Variants in POLE observed in about 807,000 individuals in gnomAD.
POLE encodes the protein DNA polymerase epsilon catalytic subunit A.
In POLE, 188 loss-of-function variants were observed where a neutral mutation model predicts 279.2. The ratio of observed to expected loss-of-function variants is 0.67; its 90% confidence interval spans 0.60 to 0.76. The LOEUF (loss-of-function observed/expected upper bound fraction) is 0.76. Ranked by LOEUF, POLE falls within the 30% of genes least tolerant of loss-of-function variation. The probability of loss-of-function intolerance (pLI) is 0.00; values close to 1 mark genes in which losing one functional copy is unlikely to be tolerated. For synonymous variants in POLE, 1,214 were observed against 1,172.5 expected (o/e 1.04, Z -0.72); for missense variants, 2,703 against 3,016.7 (o/e 0.90, Z 2.44).
At chr12:132,651,035 C>A (rs1565947936) in intron 29 of POLE, 2 of 152,088 alleles carry the variant, frequency 1.3e-5, no homozygotes, top group Non-Finnish European at 2.9e-5. Context: ...CCAAGCCCGG[C>A]TAATTTTTTG....
Position 132,649,920 on chromosome 12 carries a change from A to G in POLE, c.3583-31T>C, listed in dbSNP as rs5744899. The stretch of plus-strand genomic sequence containing the variant: ...AAGACCCAGTGAAGCCTTAAATCTC[A>G]GGATCTCGGGCTGCGCAGGGTGGCT... On this transcript the variant is annotated intron_variant, in intron 29 of 48. Coordinates refer to ENST00000320574, the MANE Select transcript of POLE (RefSeq NM_006231.4). 3.2e-3 allele frequency: 5,061 copies of G among 1,563,036 alleles called. 6 individuals are homozygous for G. Among genetic ancestry groups the G allele is most frequent in the Non-Finnish European group, 4.1e-3 (4,643 of 1,136,600 alleles).
chr12:132,646,725 G>C (rs1184233972), intron 32 of POLE, among the ~76,000 whole-genome samples: 1 of 152,014 alleles, frequency 6.6e-6, no homozygotes, highest in Admixed American at 6.6e-5. Flanking sequence ...CCAGCTACTT[G>C]GGAGGCTGAG....
At chr12:132,635,680 G>A (rs140957720) in intron 42 of POLE, among the ~76,000 whole-genome samples, 2 of 152,328 alleles carry the variant, frequency 1.3e-5, no homozygotes, top group East Asian at 1.9e-4. Context: ...TGTTGCCCAC[G>A]GCAAGCCTTG....
chr12:132,669,784 G>T (rs984431009), intron 16 of POLE, among the ~76,000 whole-genome samples: 42 of 152,200 alleles, frequency 2.8e-4, no homozygotes, highest in African/African-American at 9.9e-4. Flanking sequence ...CATGCCCCAC[G>T]TGGCTGTGAG....
intron 45 of POLE, among the ~76,000 whole-genome samples, chr12:132,628,662 A>AAACAC (rs2041881438): frequency 2.6e-5 from 1 of 39,046 alleles, no homozygotes; most frequent in Admixed American, 3.0e-4. Context: ...AAACAAAACA[A>AAACAC]AACAAAACAA....
chr12:132,664,153 A>C lies in POLE; in HGVS notation c.2562-5T>G, dbSNP rs1461925348. On this transcript the variant is annotated splice_region_variant and splice_polypyrimidine_tract_variant and intron_variant, in intron 22 of 48. Transcript: ENST00000320574. This position sits in a 1 kb window ranked among gnomAD's most constrained non-coding sequence, Gnocchi z 5.3. ...GTGTCCAGCTCTAAGGGCCTCCTTC[A>C]GAGAAAGAGAGGAGCAAGGTCGTGA... The C allele has an allele frequency of 5.6e-6, 9 of 1,613,686 alleles. No individual in the cohort carries two copies. Among genetic ancestry groups the C allele is most frequent in the Admixed American group, 1.7e-5 (1 of 60,008 alleles).
rs989869405 is a variant in POLE, at chr12:132,675,994, G to A, written c.1020+100C>T. ...ATACCCTGAGAACAAAGCTCATGGAGCTGCAATTCTGATCTGACGGAATGC... is the reference window on the plus strand; with the variant it reads ...ATACCCTGAGAACAAAGCTCATGGAACTGCAATTCTGATCTGACGGAATGC... On this transcript the variant is annotated intron_variant, in intron 10 of 48. Transcript: ENST00000320574. The surrounding 1 kb of genome is among the most constrained non-coding windows in gnomAD (Gnocchi z 4.3). 6.3e-6 allele frequency: 6 copies of A among 945,300 alleles called. No individual in the cohort carries two copies. The highest frequency in any genetic ancestry group is 9.9e-6 in the Non-Finnish European group (6 of 607,522). 58.6% of individuals were successfully genotyped at this position (945,300 alleles called of 1,614,324 possible).
chr12:132,666,730 T>G (rs1267510986), intron 20 of POLE, among the ~76,000 whole-genome samples: 2 of 152,104 alleles, frequency 1.3e-5, no homozygotes, highest in Non-Finnish European at 2.9e-5. Context: ...GGTGGGGAGC[T>G]ACTGTTTGAT....
At chr12:132,641,594 G>T in intron 39 of POLE, 53 bp downstream of exon 39, 2 of 1,488,496 alleles carry the variant, frequency 1.3e-6, no homozygotes, top group Non-Finnish European at 9.3e-7. Flanking sequence ...CAAATTAAGG[G>T]CAAAGGATAA....
Position 132,667,643 on chromosome 12 carries a change from AG to A in POLE, c.2178del (p.Cys727AlafsTer65), listed in dbSNP as rs1420807335. ...AKYEKRRLAD[Y>X]CRKAYKKIHI... ...TGGATCTTCTTGTAGGCTTTCCGGC[AG>A]TAATCTAAGCACGACGGAGATGGGC... On this transcript the variant is annotated frameshift_variant, in exon 20 of 49. Transcript: ENST00000320574. LOFTEE classifies it high-confidence loss of function. 1.2e-6 allele frequency: 2 copies of A among 1,614,160 alleles called. No homozygotes were observed.
chr12:132,625,101 C>T (rs1430283383), intron 47 of POLE, 107 bp from the exon 48 acceptor site: 11 of 801,254 alleles, frequency 1.4e-5, no homozygotes, highest in Non-Finnish European at 2.1e-5. Flanking sequence ...ATCAGTAAGC[C>T]TCGAGCCCCT....
rs1284171482 is a variant in POLE at position 132,680,645 on chromosome 12, C to T, written c.247G>A (p.Asp83Asn). 6.2e-7 allele frequency: 1 copy of T among 1,614,082 alleles called. No individual in the cohort carries two copies. Among genetic ancestry groups the T allele is most frequent in the Non-Finnish European group, 8.5e-7 (1 of 1,179,942 alleles). The change falls in exon 3 of 49, where the codon GAT becomes AAT. Residue 83 changes from aspartate (D) to asparagine (N), a missense_variant. Physicochemically the swap from Asp to Asn is conservative, Grantham distance 23 (BLOSUM62 1). Transcript: ENST00000320574. ...DEDKRLGSAV[D>N]YYFIQDDGSR... ...CCGTCATCTTGAATAAAGTAGTAATCCACTGCACTGCCTAAGCGCTTATCT... is the reference window on the plus strand; with the variant it reads ...CCGTCATCTTGAATAAAGTAGTAATTCACTGCACTGCCTAAGCGCTTATCT...
Position 132,642,648 on chromosome 12 carries a change from C to G in POLE, c.4810G>C (p.Glu1604Gln). The G allele has an allele frequency of 1.9e-6, 3 of 1,613,292 alleles. No individual in the cohort carries two copies. The highest frequency in any genetic ancestry group is 2.2e-5 in the East Asian group (1 of 44,882). Residue 1604 changes from glutamate (E) to glutamine (Q), a missense_variant, in exon 37 of 49, where the codon GAG becomes CAG. Physicochemically the swap from Glu to Gln is conservative, Grantham distance 29. Coordinates refer to ENST00000320574, the MANE Select transcript of POLE (RefSeq NM_006231.4). ...KRLASEIPVL[E>Q]EFPLVPICVA... Reference sequence around the variant, plus strand: ...CAGATAGGCACCAGTGGGAATTCCTCCAAGACAGGAATTTCACTGGCCAGC... The same window carrying G: ...CAGATAGGCACCAGTGGGAATTCCTGCAAGACAGGAATTTCACTGGCCAGC...
At chr12:132,674,811 A>C (rs1380799260) in intron 12 of POLE, among the ~76,000 whole-genome samples, 6 of 149,070 alleles carry the variant, frequency 4.0e-5, no homozygotes, top group South Asian at 2.2e-4. Flanking sequence ...AGGCCCCTCC[A>C]TTCCCTTCCT....
intron 16 of POLE, among the ~76,000 whole-genome samples, chr12:132,669,321 C>T (rs2042870757): frequency 1.3e-5 from 2 of 151,862 alleles, no homozygotes; most frequent in African/African-American, 2.4e-5. Context: ...AAAAATTAGC[C>T]GTGTGTGGCG....
At chr12:132,650,038 GTC>G in intron 29 of POLE, 149 bp from the exon 30 acceptor site, 1 of 653,730 alleles carries the variant, frequency 1.5e-6, no homozygotes, top group Non-Finnish European at 2.6e-6. Context: ...GCAAGACCCT[GTC>G]TCTACAAAAT....
Position 132,643,205 on chromosome 12 carries a change from T to C in POLE, c.4551+19A>G, listed in dbSNP as rs2042193469. 1 of 1,609,050 alleles carries C rather than the reference T, an allele frequency of 6.2e-7. No homozygotes were observed. The highest frequency in any genetic ancestry group is 1.3e-5 in the African/African-American group (1 of 74,820). On this transcript the variant is annotated intron_variant, in intron 35 of 48. Coordinates refer to ENST00000320574, the MANE Select transcript of POLE (RefSeq NM_006231.4). ...CCCTGCCCCAGCCAATGTGCTGCCA[T>C]GGAGGGCCCAGGACTCACAGTGTCC...
chr12:132,686,488 A>G (rs2043271160), intron 1 of POLE, among the ~76,000 whole-genome samples: 1 of 151,896 alleles, frequency 6.6e-6, no homozygotes, highest in South Asian at 2.1e-4. Flanking sequence ...TAATCCCAGC[A>G]CTTTGGAAGG....
chr12:132,642,502 T>G lies in POLE; in HGVS notation c.4952+4A>C. ...CTGGCCCACAACGACAGTACTGTGC[T>G]CACCTGCTCATCTCGAAGGCCTGCG... On this transcript the variant is annotated splice_donor_region_variant and intron_variant, in intron 37 of 48. Transcript: ENST00000320574. 1 of 1,613,348 alleles carries G rather than the reference T, an allele frequency of 6.2e-7. No individual in the cohort carries two copies. Among genetic ancestry groups the G allele is most frequent in the South Asian group, 1.1e-5 (1 of 91,054 alleles).
Sources: gnomAD v4.1 joint callset for allele counts (sites outside exome capture counted in the v4.1 genomes callset) on GRCh38, gnomAD v4.1.1 for gene constraint, Gnocchi (gnomAD v3.1) non-coding constraint, MANE v1.5 for transcripts, NCBI Gene and HGNC (gene_info 2026-07-23, HGNC 2026-07-21) for gene names.